RAD51B: variants seen among roughly 807,000 people sequenced by gnomAD.
RAD51B encodes the protein DNA repair protein RAD51 homolog 2.
Under a neutral mutation model 42.2 loss-of-function variants are expected in RAD51B, and 38 were observed. The observed-to-expected ratio is 0.90, with a 90% CI of 0.70 to 1.18. RAD51B has a LOEUF of 1.18. Among genes scored for constraint, RAD51B ranks in the 50% most tolerant of loss-of-function variants. The probability of loss-of-function intolerance (pLI) is 0.00; values close to 1 mark genes in which losing one functional copy is unlikely to be tolerated. For missense variants in RAD51B, 373 were observed against 400.7 expected, an observed-to-expected ratio of 0.93 and a Z score of 0.59; for synonymous variants, 154 against 145.2, an observed-to-expected ratio of 1.06 and a Z score of -0.43.
chr14:67,989,929 G>A (rs2140289681), intron 7 of RAD51B, among the ~76,000 whole-genome samples: 1 of 151,810 alleles, frequency 6.6e-6, no homozygotes, highest in East Asian at 1.9e-4. Flanking sequence ...AATTCTCTAG[G>A]GGAAATTACA....
intron 7 of RAD51B, among the ~76,000 whole-genome samples, chr14:68,196,119 G>A (rs2079367620): frequency 6.6e-6 from 1 of 150,666 alleles, no homozygotes; most frequent in Non-Finnish European, 1.5e-5. Flanking sequence ...CAGGAGAATC[G>A]CTTGGAGCTT....
intron 7 of RAD51B, among the ~76,000 whole-genome samples, chr14:68,155,453 A>G (rs1390962893): frequency 6.6e-6 from 1 of 152,058 alleles, no homozygotes; most frequent in Non-Finnish European, 1.5e-5. Context: ...CGGCCTCCCA[A>G]AGTGCTGAGA....
intron 7 of RAD51B, among the ~76,000 whole-genome samples, chr14:68,222,447 G>A (rs908525083): frequency 2.0e-5 from 3 of 152,154 alleles, no homozygotes; most frequent in Non-Finnish European, 2.9e-5. Flanking sequence ...AATATTGAAT[G>A]TTCTCACTCA....
chr14:68,547,213 GAC>G (rs1030052716), intron 10 of RAD51B, among the ~76,000 whole-genome samples: 2 of 152,212 alleles, frequency 1.3e-5, no homozygotes, highest in Non-Finnish European at 2.9e-5. Context: ...TCTCAGAGGA[GAC>G]ATCTTCTTCT....
At chr14:68,359,864 AAAG>A (rs777173235) in intron 8 of RAD51B, among the ~76,000 whole-genome samples, 2 of 152,122 alleles carry the variant, frequency 1.3e-5, no homozygotes, top group East Asian at 1.9e-4. Context: ...TCGTTTACTG[AAAG>A]AAGGAGAAAG....
At chr14:68,392,331 G>T (rs980398152) in intron 8 of RAD51B, among the ~76,000 whole-genome samples, 2 of 152,166 alleles carry the variant, frequency 1.3e-5, no homozygotes, top group Non-Finnish European at 2.9e-5. Context: ...GCTTGTCATA[G>T]GTTCCTTGGA....
intron 9 of RAD51B, among the ~76,000 whole-genome samples, chr14:68,435,476 G>A (rs1390811071): frequency 6.8e-6 from 1 of 146,366 alleles, no homozygotes; most frequent in African/African-American, 2.5e-5. Flanking sequence ...GAACATCTAA[G>A]TACATGTGGT....
intron 10 of RAD51B, among the ~76,000 whole-genome samples, chr14:68,491,536 A>G (rs1225803319): frequency 6.6e-6 from 1 of 152,206 alleles, no homozygotes; most frequent in Non-Finnish European, 1.5e-5. Flanking sequence ...CACCAAAACA[A>G]TCCTCAAGGA....
At chr14:68,604,445 T>TGGCTGCACCAGCCAGGCGG (rs1208249066) in intron 10 of RAD51B, among the ~76,000 whole-genome samples, 1 of 152,238 alleles carries the variant, frequency 6.6e-6, no homozygotes. Flanking sequence ...GTCCCGCCAG[T>TGGCTGCACCAGCCAGGCGG]GGCTGCACCA....
chr14:67,932,008 A>G (rs560724277), intron 7 of RAD51B, among the ~76,000 whole-genome samples: 15 of 151,976 alleles, frequency 9.9e-5, no homozygotes, highest in Non-Finnish European at 2.1e-4. Context: ...CTAGGGGTAC[A>G]TGTTCAGGTT....
In RAD51B at chr14:68,235,133, T is replaced by A. The variant is rs138710334; in HGVS notation, c.757-56751T>A. On this transcript the variant is annotated intron_variant, in intron 7 of 10. Transcript: ENST00000471583. ...CATTTATTATCATTATCAAGTATTA[T>A]GTGCCGTACATTATTGTATGTGCTG... Among the ~76,000 whole-genome samples, 16 of 152,252 alleles carry A rather than the reference T, an allele frequency of 1.1e-4. No individual in the cohort carries two copies. The East Asian group carries it at 2.9e-3, about 28-fold the overall frequency.
At chr14:68,097,624 C>T (rs2077217932) in intron 7 of RAD51B, among the ~76,000 whole-genome samples, 1 of 152,126 alleles carries the variant, frequency 6.6e-6, no homozygotes, top group South Asian at 2.1e-4. Context: ...TAAGGAGACA[C>T]TAAGAATTCT....
intron 7 of RAD51B, among the ~76,000 whole-genome samples, chr14:68,087,617 A>G (rs1253050749): frequency 4.0e-5 from 6 of 151,580 alleles, no homozygotes; most frequent in Admixed American, 6.6e-5. Context: ...TCCATCGGTG[A>G]TTGAGCTATG....
intron 3 of RAD51B, among the ~76,000 whole-genome samples, 179 bp from the exon 4 acceptor site, chr14:67,834,901 A>C (rs1391230646): frequency 1.3e-5 from 2 of 152,130 alleles, no homozygotes; most frequent in African/African-American, 4.8e-5. Context: ...CTGTTATGTC[A>C]TATCCCCATA....
rs538060585 is a variant in RAD51B at position 68,537,820 on chromosome 14, A to G, written c.1037-56665A>G. ...ATTTCTTTATTTATTAGTTTAAAAT[A>G]TTTCCATGTGTAATCTCATTTTAGT... On this transcript the variant is annotated intron_variant, in intron 10 of 10. Transcript: ENST00000487270. Among the ~76,000 whole-genome samples the G allele has an allele frequency of 6.3e-4, 96 of 152,188 alleles. 3 individuals carry two copies. The South Asian group carries it at 0.019, about 31-fold the overall frequency.
intron 11 of RAD51B, among the ~76,000 whole-genome samples, chr14:68,680,928 G>A (rs577691035): frequency 6.6e-6 from 1 of 151,964 alleles, no homozygotes; most frequent in Non-Finnish European, 1.5e-5. Flanking sequence ...TGGGAGTTTG[G>A]GGTGTTTTTT....
chr14:68,475,759 G>A (rs1882527460), intron 10 of RAD51B, among the ~76,000 whole-genome samples: 1 of 152,064 alleles, frequency 6.6e-6, no homozygotes, highest in Non-Finnish European at 1.5e-5. Flanking sequence ...CCAAGGCCTG[G>A]ACTATAGTTA....
intron 11 of RAD51B, among the ~76,000 whole-genome samples, chr14:68,673,820 A>G (rs1249671350): frequency 4.6e-5 from 7 of 152,046 alleles, no homozygotes; most frequent in Non-Finnish European, 1.0e-4. Flanking sequence ...GTACACACAT[A>G]CACATACTGT....
chr14:68,328,588 C>A (rs2082289887), intron 8 of RAD51B, among the ~76,000 whole-genome samples: 1 of 152,146 alleles, frequency 6.6e-6, no homozygotes, highest in African/African-American at 2.4e-5. Context: ...GGAAACAGAA[C>A]TTCAATTTTT....
Sources: gnomAD v4.1 joint callset for allele counts (sites outside exome capture counted in the v4.1 genomes callset) on GRCh38, gnomAD v4.1.1 for gene constraint, MANE v1.5 for transcripts, NCBI Gene and HGNC (gene_info 2026-07-23, HGNC 2026-07-21) for gene names.